The following CACNA2D3 variants were observed in gnomAD, a reference collection of about 807,000 sequenced individuals.
The protein encoded by CACNA2D3 is calcium voltage-gated channel auxiliary subunit alpha2delta 3, also known as voltage-dependent calcium channel subunit alpha-2/delta-3.
CACNA2D3 carries 60 observed loss-of-function variants against 160.6 expected under a neutral mutation model. That is an observed-to-expected ratio of 0.37 (90% CI 0.30 to 0.46). CACNA2D3 has a LOEUF of 0.46. Among genes scored for constraint, CACNA2D3 ranks in the 20% least tolerant of loss-of-function variants. The probability of loss-of-function intolerance (pLI) is 1.00; values close to 1 mark genes in which losing one functional copy is unlikely to be tolerated. For missense variants in CACNA2D3, 1,205 were observed against 1,365.0 expected (o/e 0.88, Z 1.85); for synonymous variants, 558 against 492.9 (o/e 1.13, Z -1.75).
At chr3:54,866,666 T>A (rs1463203155) in intron 17 of CACNA2D3, among the ~76,000 whole-genome samples, 1 of 149,782 alleles carries the variant, frequency 6.7e-6, no homozygotes, top group Non-Finnish European at 1.5e-5. Context: ...GAGCAAAGGG[T>A]TTTTGTTTTA....
chr3:54,726,190 AAT>A (rs1701273574), intron 11 of CACNA2D3, among the ~76,000 whole-genome samples: 1 of 152,152 alleles, frequency 6.6e-6, no homozygotes, highest in African/African-American at 2.4e-5. Flanking sequence ...AATACTCAGG[AAT>A]ACAACTTACA....
Position 55,074,278 on chromosome 3 carries a change from C to CA in CACNA2D3, c.*76dup, listed in dbSNP as rs1704897966. ...GCTAAATCATGGATAAACTGTGAAC[C>CA]AAAATATGGTGCAACATACGAGACA... On this transcript the variant is annotated 3_prime_UTR_variant, in exon 38 of 38. Coordinates refer to ENST00000474759, the MANE Select transcript of CACNA2D3 (RefSeq NM_018398.3). The CA allele has an allele frequency of 2.5e-6, 3 of 1,223,474 alleles. No individual in the cohort carries two copies. In the African/African-American group the frequency reaches 4.5e-5, roughly 18 times the overall value. The allele number at this position is 1,223,474 out of a possible 1,614,324, so 75.8% of individuals were successfully genotyped here. A position where few individuals can be genotyped will look rare whatever the true frequency, so the allele number is the denominator to read the frequency against.
In CACNA2D3 at chr3:54,677,633, A is replaced by G. The variant is rs1398884773; in HGVS notation, c.1167+35392A>G. On this transcript the variant is annotated intron_variant, in intron 11 of 37. Coordinates refer to ENST00000474759, the MANE Select transcript of CACNA2D3 (RefSeq NM_018398.3). Reference sequence around the variant, plus strand: ...TTGTTTTTTTTTTGGGGGGGGGGCAACGTACTTACTCGTCTAGTCTCTCTC... The same window carrying G: ...TTGTTTTTTTTTTGGGGGGGGGGCAGCGTACTTACTCGTCTAGTCTCTCTC... 2.0e-5 allele frequency among the ~76,000 whole-genome samples: 3 copies of G among 151,550 alleles called. No individual in the cohort carries two copies. The South Asian group carries it at 6.3e-4, about 32-fold the overall frequency.
chr3:54,277,470 C>G (rs985684037), intron 2 of CACNA2D3, among the ~76,000 whole-genome samples: 1 of 152,102 alleles, frequency 6.6e-6, no homozygotes. Context: ...GGCCTCCGTT[C>G]TGTTCCATTG....
At chr3:55,005,404 G>C (rs749206647) in intron 32 of CACNA2D3, among the ~76,000 whole-genome samples, 4 of 152,200 alleles carry the variant, frequency 2.6e-5, no homozygotes, top group Admixed American at 1.3e-4. Flanking sequence ...GCAGCCCCTT[G>C]TGACAGATGG....
intron 2 of CACNA2D3, among the ~76,000 whole-genome samples, chr3:54,278,690 TG>T (rs1702800132): frequency 6.6e-6 from 1 of 152,122 alleles, no homozygotes; most frequent in Admixed American, 6.5e-5. Context: ...TGCAGGGACA[TG>T]GATGAAACTG....
intron 3 of CACNA2D3, among the ~76,000 whole-genome samples, chr3:54,383,251 C>G (rs1699133759): frequency 6.6e-6 from 1 of 152,152 alleles, no homozygotes; most frequent in South Asian, 2.1e-4. Flanking sequence ...GTTCTTTCCA[C>G]AAGACACATA....
At chr3:54,549,045 T>TCC (rs981047437) in intron 5 of CACNA2D3, among the ~76,000 whole-genome samples, 1 of 152,180 alleles carries the variant, frequency 6.6e-6, no homozygotes, top group African/African-American at 2.4e-5. Context: ...TCCCCTTGGC[T>TCC]CCCCATCCAG....
chr3:54,244,604 CA>C (rs940890546), intron 2 of CACNA2D3, among the ~76,000 whole-genome samples: 10 of 151,500 alleles, frequency 6.6e-5, no homozygotes, highest in Non-Finnish European at 1.0e-4. Context: ...TGAAGAAAAA[CA>C]AAAAAAGGAA....
chr3:54,320,736 C>T (rs1202470902), intron 3 of CACNA2D3, among the ~76,000 whole-genome samples, 178 bp downstream of exon 3: 2 of 152,216 alleles, frequency 1.3e-5, no homozygotes, highest in Non-Finnish European at 2.9e-5. Flanking sequence ...CACAAACTGC[C>T]CTTTTCATAG....
At chr3:54,171,087 C>G (rs1290581516) in intron 2 of CACNA2D3, among the ~76,000 whole-genome samples, 2 of 128,000 alleles carry the variant, frequency 1.6e-5, no homozygotes, top group Non-Finnish European at 3.2e-5. Flanking sequence ...ATTTTAGGTA[C>G]TTTGATGGAA....
chr3:54,414,337 G>A (rs7648567), intron 4 of CACNA2D3, among the ~76,000 whole-genome samples: 5,365 of 152,018 alleles, frequency 0.035, 290 homozygotes, highest in African/African-American at 0.11. Flanking sequence ...CAGCTTAATT[G>A]TATTAGTACC....
intron 2 of CACNA2D3, among the ~76,000 whole-genome samples, chr3:54,180,968 G>T (rs1024878730): frequency 6.6e-6 from 1 of 152,190 alleles, no homozygotes; most frequent in African/African-American, 2.4e-5. Context: ...TGAGCTGGTA[G>T]ACCATCTGGT....
chr3:54,657,433 ATTG>A (rs1699893031), intron 11 of CACNA2D3, among the ~76,000 whole-genome samples: 1 of 152,170 alleles, frequency 6.6e-6, no homozygotes, highest in African/African-American at 2.4e-5. Context: ...ATAGTACCAT[ATTG>A]TTAACTATAG....
intron 3 of CACNA2D3, among the ~76,000 whole-genome samples, chr3:54,338,280 A>G (rs1445497142): frequency 6.6e-5 from 10 of 152,212 alleles, no homozygotes; most frequent in Admixed American, 2.6e-4. Flanking sequence ...TAACTTGTTT[A>G]CCGTGGGCCA....
At chr3:54,852,566 C>G (rs1699081977) in intron 17 of CACNA2D3, among the ~76,000 whole-genome samples, 1 of 152,226 alleles carries the variant, frequency 6.6e-6, no homozygotes, top group Non-Finnish European at 1.5e-5. Flanking sequence ...ACTCGCCTTT[C>G]CCTGTGTCAC....
chr3:54,382,909 A>T (rs1699127724), intron 3 of CACNA2D3, among the ~76,000 whole-genome samples: 1 of 152,128 alleles, frequency 6.6e-6, no homozygotes, highest in Non-Finnish European at 1.5e-5. Context: ...GTGCAGTAGT[A>T]TAATCTTGGC....
At chr3:54,734,974 A>G (rs1309659540) in intron 11 of CACNA2D3, among the ~76,000 whole-genome samples, 2 of 152,230 alleles carry the variant, frequency 1.3e-5, no homozygotes, top group African/African-American at 2.4e-5. Context: ...TAGGGATGCA[A>G]GGTTTGAGTG....
chr3:54,961,085 T>G (rs576505292), intron 27 of CACNA2D3, among the ~76,000 whole-genome samples: 2 of 152,296 alleles, frequency 1.3e-5, no homozygotes, highest in African/African-American at 4.8e-5. Context: ...AAGAAAACAT[T>G]TAAACAAACG....
Sources: gnomAD v4.1 joint callset for allele counts (sites outside exome capture counted in the v4.1 genomes callset) on GRCh38, gnomAD v4.1.1 for gene constraint, MANE v1.5 for transcripts, NCBI Gene and HGNC (gene_info 2026-07-23, HGNC 2026-07-21) for gene names.